The following TEAD1 variants were observed in gnomAD, a reference collection of about 807,000 sequenced individuals.
The protein encoded by TEAD1 is TEA domain transcription factor 1, also known as transcriptional enhancer factor TEF-1.
In TEAD1, 9 loss-of-function variants were observed where a neutral mutation model predicts 54.9. The ratio of observed to expected loss-of-function variants is 0.16; its 90% CI spans 0.10 to 0.29. The LOEUF is 0.29. TEAD1 is among the 10% of genes least tolerant of loss of function. The pLI is 1.00. For synonymous variants in TEAD1, 200 were observed against 187.8 expected (o/e 1.07, Z -0.53); for missense variants, 387 against 535.9 (o/e 0.72, Z 2.74).
chr11:12,724,314 T>G (rs1007529894), intron 2 of TEAD1, among the ~76,000 whole-genome samples: 2 of 152,246 alleles, frequency 1.3e-5, no homozygotes, highest in African/African-American at 4.8e-5. Context: ...TAAAGTAGAA[T>G]GATCGAGGCT....
chr11:12,678,602 A>G (rs1052534216), intron 2 of TEAD1, among the ~76,000 whole-genome samples: 1 of 152,184 alleles, frequency 6.6e-6, no homozygotes, highest in East Asian at 1.9e-4. Flanking sequence ...TTTGACAGAC[A>G]CCTTATTTAG....
intron 9 of TEAD1, among the ~76,000 whole-genome samples, chr11:12,898,614 C>T (rs982981907): frequency 6.6e-6 from 1 of 151,904 alleles, no homozygotes; most frequent in Non-Finnish European, 1.5e-5. Flanking sequence ...AGGCTGGTCT[C>T]GAACTCCTGA....
At chr11:12,719,949 G>GTTTTTTT (rs1200965763) in intron 2 of TEAD1, among the ~76,000 whole-genome samples, 6 of 40,010 alleles carry the variant, frequency 1.5e-4, no homozygotes, top group African/African-American at 1.7e-4. Context: ...GAAATCTAAT[G>GTTTTTTT]TTTTTTTTTT....
At position 12,900,227 on chromosome 11, in the gene TEAD1, AT is replaced by A. The variant is rs3046322; in HGVS notation, c.700-1699del. ...CAGGCATGCACCACCACACCTGGTG[AT>A]TTTTTTTTTTTTTCTGGTAGAGATG... On this transcript the variant is annotated intron_variant, in intron 9 of 12. Transcript: ENST00000527636. Among the ~76,000 whole-genome samples, 1,050 of 142,450 alleles carry A rather than the reference AT, an allele frequency of 7.4e-3. 8 individuals carry two copies. Among genetic ancestry groups the A allele is most frequent in the African/African-American group, 0.022 (865 of 39,166 alleles). The allele number at this position is 142,450 out of a possible 152,430, so 93.5% of individuals were successfully genotyped here. A position where few individuals can be genotyped will look rare whatever the true frequency, so the allele number is the denominator to read the frequency against.
intron 5 of TEAD1, among the ~76,000 whole-genome samples, chr11:12,870,724 A>G (rs774170185): frequency 1.3e-5 from 2 of 152,094 alleles, no homozygotes; most frequent in Non-Finnish European, 2.9e-5. Context: ...CGTCTCTACT[A>G]AAATACAAAA....
intron 10 of TEAD1, among the ~76,000 whole-genome samples, chr11:12,907,181 A>C (rs978919017): frequency 1.4e-4 from 22 of 152,084 alleles, no homozygotes; most frequent in African/African-American, 4.8e-4. Flanking sequence ...TACAGATTAC[A>C]GGGGACATCT....
intron 4 of TEAD1, 174 bp from the exon 5 acceptor site, chr11:12,864,664 C>T (rs1041561827): frequency 7.3e-5 from 76 of 1,042,494 alleles, no homozygotes; most frequent in Non-Finnish European, 8.9e-5. Flanking sequence ...TTTGTTTCCC[C>T]TCATAAACCC....
rs572828954 is a variant in TEAD1 at position 12,933,135 on chromosome 11, C to A, written c.1167+2809C>A. On this transcript the variant is annotated intron_variant, in intron 12 of 12. Coordinates refer to ENST00000527636, the MANE Select transcript of TEAD1 (RefSeq NM_021961.6). ...ACCTGATTACACATTAGGAGGTGTCCTCATTGTTAAGCAACTCATCACTGT... is the reference window on the plus strand; with the variant it reads ...ACCTGATTACACATTAGGAGGTGTCATCATTGTTAAGCAACTCATCACTGT... 8.5e-5 allele frequency among the ~76,000 whole-genome samples: 13 copies of A among 152,224 alleles called. No individual in the cohort carries two copies. In the East Asian group the frequency reaches 2.3e-3, roughly 27 times the overall value.
intron 3 of TEAD1, among the ~76,000 whole-genome samples, chr11:12,765,412 T>G (rs1945187226): frequency 1.3e-5 from 2 of 152,210 alleles, no homozygotes; most frequent in Non-Finnish European, 2.9e-5. Flanking sequence ...ACAAATAACC[T>G]AACCTCAAAG....
intron 3 of TEAD1, among the ~76,000 whole-genome samples, chr11:12,805,094 C>T (rs1047260853): frequency 9.9e-5 from 15 of 152,098 alleles, no homozygotes; most frequent in African/African-American, 3.6e-4. Flanking sequence ...TAGGATATAG[C>T]GAGAAGTATT....
intron 3 of TEAD1, among the ~76,000 whole-genome samples, chr11:12,779,368 T>G (rs1276226925): frequency 6.6e-6 from 1 of 152,120 alleles, no homozygotes; most frequent in Non-Finnish European, 1.5e-5. Flanking sequence ...GGGAGTAAGT[T>G]CTTCATTGGT....
At chr11:12,752,213 G>GGT (rs749504540) in intron 2 of TEAD1, among the ~76,000 whole-genome samples, 3 of 101,026 alleles carry the variant, frequency 3.0e-5, no homozygotes, top group African/African-American at 1.1e-4. Context: ...AAACAGGGCA[G>GGT]TTTTTTTTTT....
chr11:12,689,541 T>C (rs4285855), intron 2 of TEAD1, among the ~76,000 whole-genome samples: 3,571 of 152,272 alleles, frequency 0.023, 131 homozygotes, highest in African/African-American at 0.08. Flanking sequence ...GAGAAGTGTC[T>C]CATAAATGTT....
chr11:12,865,199 G>C (rs1045795633), intron 5 of TEAD1: 1 of 426,770 alleles, frequency 2.3e-6, no homozygotes, highest in Non-Finnish European at 4.3e-6. Flanking sequence ...ACAGAAACAT[G>C]ATTTTTTTTT....
chr11:12,774,432 A>C (rs889228734), intron 3 of TEAD1, among the ~76,000 whole-genome samples: 1 of 152,186 alleles, frequency 6.6e-6, no homozygotes, highest in Non-Finnish European at 1.5e-5. Flanking sequence ...GGCCCCATGG[A>C]TATGCATGGA....
At chr11:12,850,819 A>T (rs1451344667) in intron 3 of TEAD1, among the ~76,000 whole-genome samples, 1 of 152,196 alleles carries the variant, frequency 6.6e-6, no homozygotes, top group Non-Finnish European at 1.5e-5. Flanking sequence ...TCTTGGGTTA[A>T]TGTTAAGATT....
At chr11:12,689,112 C>G (rs753798616) in intron 2 of TEAD1, among the ~76,000 whole-genome samples, 1 of 151,934 alleles carries the variant, frequency 6.6e-6, no homozygotes, top group Non-Finnish European at 1.5e-5. Flanking sequence ...TTGTCTCTCC[C>G]TCCTCCCTGG....
chr11:12,879,426 T>TAC, intron 5 of TEAD1: 1 of 597,802 alleles, frequency 1.7e-6, no homozygotes, highest in Non-Finnish European at 3.0e-6. Context: ...GCTAAATAAA[T>TAC]ACGTTGTCCA....
At chr11:12,859,038 A>T (rs147648718) in intron 3 of TEAD1, among the ~76,000 whole-genome samples, 78 of 152,308 alleles carry the variant, frequency 5.1e-4, no homozygotes, top group Non-Finnish European at 9.3e-4. Context: ...TTATAATTTT[A>T]TGGGACCACC....
Sources: allele counts gnomAD v4.1 joint callset (sites outside exome capture counted in the v4.1 genomes callset), GRCh38; gene constraint gnomAD v4.1.1; transcripts MANE v1.5; gene names NCBI Gene and HGNC (gene_info 2026-07-23, HGNC 2026-07-21).